Variants in PRKG1 observed in about 807,000 individuals in gnomAD.
The protein encoded by PRKG1 is cGMP-dependent protein kinase 1.
In PRKG1, 35 loss-of-function variants were observed where a neutral mutation model predicts 88.1. The observed-to-expected ratio is 0.40, with a 90% CI of 0.30 to 0.53. The LOEUF (loss-of-function observed/expected upper bound fraction) is 0.53. Among genes scored for constraint, PRKG1 ranks in the 20% least tolerant of loss-of-function variants. PRKG1 has a pLI of 0.59. For missense variants in PRKG1, 540 were observed against 839.8 expected (o/e 0.64, Z 4.41); for synonymous variants, 303 against 292.5 (o/e 1.04, Z -0.37).
At chr10:52,282,044 A>G (rs1324882341) in intron 13 of PRKG1, 109 bp from the exon 14 acceptor site, 2 of 1,137,736 alleles carry the variant, frequency 1.8e-6, no homozygotes, top group East Asian at 5.1e-5. Flanking sequence ...AACTATAAAA[A>G]CATACATGTT....
At chr10:51,316,663 C>T (rs892601116) in intron 2 of PRKG1, among the ~76,000 whole-genome samples, 3 of 147,054 alleles carry the variant, frequency 2.0e-5, no homozygotes, top group African/African-American at 7.3e-5. Context: ...GCCTGGGCGA[C>T]AAGAGCAAGA....
In PRKG1 at chr10:52,060,518, A is replaced by G. The variant is rs532202504; in HGVS notation, c.841-2019A>G. On this transcript the variant is annotated intron_variant, in intron 6 of 17. Coordinates refer to ENST00000373980, the MANE Select transcript of PRKG1 (RefSeq NM_006258.4). ...TCCAATAGAAAAATTGGCAAAAAGCATGATCAGACATATAATCAAAAGAAG... is the reference window on the plus strand; with the variant it reads ...TCCAATAGAAAAATTGGCAAAAAGCGTGATCAGACATATAATCAAAAGAAG... Among the ~76,000 whole-genome samples, 8 of 152,020 alleles carry G rather than the reference A, an allele frequency of 5.3e-5. No individual in the cohort carries two copies. The South Asian group carries it at 1.4e-3, about 28-fold the overall frequency.
intron 3 of PRKG1, among the ~76,000 whole-genome samples, chr10:51,581,026 T>A (rs1589103557): frequency 6.6e-6 from 1 of 152,060 alleles, no homozygotes; most frequent in Non-Finnish European, 1.5e-5. Flanking sequence ...CACTGCCTTC[T>A]GGTCCCACGA....
At chr10:51,875,559 A>T (rs780410809) in intron 4 of PRKG1, among the ~76,000 whole-genome samples, 28 of 152,118 alleles carry the variant, frequency 1.8e-4, no homozygotes, top group Admixed American at 1.3e-4. Context: ...GACACTTGAC[A>T]CCATCCCTGG....
At chr10:51,024,930 G>T (rs1357510753) in intron 1 of PRKG1, among the ~76,000 whole-genome samples, 1 of 152,174 alleles carries the variant, frequency 6.6e-6, no homozygotes, top group Non-Finnish European at 1.5e-5. Flanking sequence ...GATTTGGGCA[G>T]GGGACACAGA....
intron 7 of PRKG1, among the ~76,000 whole-genome samples, chr10:52,085,089 G>T (rs899916093): frequency 6.6e-6 from 1 of 152,014 alleles, no homozygotes; most frequent in South Asian, 2.1e-4. Context: ...GGAACCACAC[G>T]ACTGTCTCTC....
At chr10:51,761,541 A>G (rs551454056) in intron 3 of PRKG1, among the ~76,000 whole-genome samples, 17 of 152,358 alleles carry the variant, frequency 1.1e-4, no homozygotes, top group African/African-American at 2.9e-4. Flanking sequence ...GATGATGTGA[A>G]AAATGCATAT....
intron 9 of PRKG1, among the ~76,000 whole-genome samples, chr10:52,199,265 G>A (rs537512796): frequency 1.3e-4 from 19 of 151,936 alleles, no homozygotes; most frequent in Admixed American, 9.2e-4. Flanking sequence ...CCTCCCTATC[G>A]TATTATCCTC....
intron 1 of PRKG1, among the ~76,000 whole-genome samples, chr10:51,103,520 A>G (rs1053827430): frequency 6.6e-5 from 10 of 152,246 alleles, no homozygotes; most frequent in Non-Finnish European, 7.3e-5. Flanking sequence ...TTGTGATGAT[A>G]GACCGAAGAC....
At chr10:52,068,622 C>T (rs1846418833) in intron 7 of PRKG1, among the ~76,000 whole-genome samples, 1 of 152,164 alleles carries the variant, frequency 6.6e-6, no homozygotes, top group African/African-American at 2.4e-5. Context: ...TAGTTTAATG[C>T]TTCCCTAAAG....
chr10:51,367,266 G>C (rs2132599883), intron 2 of PRKG1, among the ~76,000 whole-genome samples: 1 of 151,930 alleles, frequency 6.6e-6, no homozygotes, highest in Admixed American at 6.6e-5. Flanking sequence ...CAGTAAAAAG[G>C]GCTCAAAAAG....
chr10:51,037,754 G>T (rs2132753946), intron 1 of PRKG1, among the ~76,000 whole-genome samples: 1 of 151,806 alleles, frequency 6.6e-6, no homozygotes, highest in Non-Finnish European at 1.5e-5. Context: ...CTGCATTCCA[G>T]CCTGGGTGAC....
chr10:51,751,745 T>C (rs1014698182), intron 3 of PRKG1, among the ~76,000 whole-genome samples: 1 of 152,156 alleles, frequency 6.6e-6, no homozygotes, highest in African/African-American at 2.4e-5. Context: ...CAGCAGATCT[T>C]GTAGTTTAAT....
At chr10:52,047,567 T>G (rs1242765297) in intron 5 of PRKG1, among the ~76,000 whole-genome samples, 1 of 152,180 alleles carries the variant, frequency 6.6e-6, no homozygotes, top group African/African-American at 2.4e-5. Flanking sequence ...TCAGTCGTTC[T>G]TGGCATCTCT....
chr10:52,082,757 A>G (rs1311527543), intron 7 of PRKG1, among the ~76,000 whole-genome samples: 1 of 152,106 alleles, frequency 6.6e-6, no homozygotes, highest in Non-Finnish European at 1.5e-5. Flanking sequence ...CCATTTTAAG[A>G]GGATGATCAT....
chr10:51,484,686 G>T (rs779332603), intron 3 of PRKG1, among the ~76,000 whole-genome samples: 2 of 152,284 alleles, frequency 1.3e-5, no homozygotes, highest in African/African-American at 2.4e-5. Flanking sequence ...ACTTAAGGCA[G>T]ACTTCCTCTA....
At chr10:51,894,192 T>C (rs1841786995) in intron 4 of PRKG1, among the ~76,000 whole-genome samples, 1 of 152,214 alleles carries the variant, frequency 6.6e-6, no homozygotes, top group Admixed American at 6.5e-5. Flanking sequence ...AGTTATCATA[T>C]ACCAAATGAA....
chr10:51,159,257 A>G (rs1191056513), intron 2 of PRKG1, among the ~76,000 whole-genome samples: 1 of 152,142 alleles, frequency 6.6e-6, no homozygotes, highest in Non-Finnish European at 1.5e-5. Context: ...TGGCATTCAG[A>G]ACACTACCTG....
At chr10:52,192,022 G>T (rs901415772) in intron 9 of PRKG1, among the ~76,000 whole-genome samples, 1 of 152,142 alleles carries the variant, frequency 6.6e-6, no homozygotes, top group Non-Finnish European at 1.5e-5. Flanking sequence ...AATTTTCAGA[G>T]TAAGTAATTG....
Sources: gnomAD v4.1 joint callset for allele counts (sites outside exome capture counted in the v4.1 genomes callset) on GRCh38, gnomAD v4.1.1 for gene constraint, MANE v1.5 for transcripts, NCBI Gene and HGNC (gene_info 2026-07-23, HGNC 2026-07-21) for gene names.